The following GNB1 variants were observed in gnomAD, a reference collection of about 807,000 sequenced individuals.
GNB1 encodes the protein guanine nucleotide-binding protein G(I)/G(S)/G(T) subunit beta-1.
GNB1 carries 2 observed loss-of-function variants against 42.9 expected under a neutral mutation model. The observed-to-expected ratio is 0.05, with a 90% CI of 0.02 to 0.15. The LOEUF (loss-of-function observed/expected upper bound fraction) is 0.15, where lower values mean the gene tolerates loss of function less well. Ranked by LOEUF, GNB1 falls within the 10% of genes least tolerant of loss-of-function variation. The pLI is 1.00. For missense variants in GNB1, 193 were observed against 462.2 expected (o/e 0.42, Z 5.34); for synonymous variants, 183 against 174.7 (o/e 1.05, Z -0.38).
intron 4 of GNB1, among the ~76,000 whole-genome samples, chr1:1,816,849 TGTTGG>T: frequency 6.6e-6 from 1 of 152,182 alleles, no homozygotes; most frequent in East Asian, 1.9e-4. Flanking sequence ...GGTTTCACCA[TGTTGG>T]TTAGGCTGGT....
At chr1:1,827,036 T>C (rs1241361195) in intron 2 of GNB1, among the ~76,000 whole-genome samples, 1 of 152,194 alleles carries the variant, frequency 6.6e-6, no homozygotes, top group African/African-American at 2.4e-5. Flanking sequence ...ACACAGAGGA[T>C]CAATTTTACC....
intron 1 of GNB1, among the ~76,000 whole-genome samples, chr1:1,850,608 T>C (rs1647928899): frequency 1.3e-5 from 2 of 152,008 alleles, no homozygotes; most frequent in Non-Finnish European, 2.9e-5. Flanking sequence ...TTTTCTAGAG[T>C]TTCTGCCTCC....
At chr1:1,801,556 G>T (rs1029552779) in intron 7 of GNB1, among the ~76,000 whole-genome samples, 6 of 152,128 alleles carry the variant, frequency 3.9e-5, no homozygotes, top group Admixed American at 3.3e-4. Context: ...GAGACATTGG[G>T]AATGTACACT....
At chr1:1,889,249 A>G (rs183180609) in intron 1 of GNB1, among the ~76,000 whole-genome samples, 125 of 151,572 alleles carry the variant, frequency 8.2e-4, no homozygotes, top group Non-Finnish European at 3.7e-4. Flanking sequence ...AATAATCTTC[A>G]TATTTTCTTA....
intron 1 of GNB1, among the ~76,000 whole-genome samples, chr1:1,882,288 C>G (rs964267028): frequency 6.6e-6 from 1 of 151,968 alleles, no homozygotes; most frequent in African/African-American, 2.4e-5. Flanking sequence ...ATTAGCTAGG[C>G]GTGGCGGCAT....
chr1:1,874,959 GATC>G (rs1649459941), intron 1 of GNB1, among the ~76,000 whole-genome samples: 1 of 152,150 alleles, frequency 6.6e-6, no homozygotes, highest in African/African-American at 2.4e-5. Flanking sequence ...TTCCACCTCA[GATC>G]ATCAGGCATT....
intron 5 of GNB1, among the ~76,000 whole-genome samples, chr1:1,813,962 T>TA (rs1160934872): frequency 6.6e-6 from 1 of 152,218 alleles, no homozygotes; most frequent in African/African-American, 2.4e-5. Flanking sequence ...TAAGTCTACT[T>TA]TACTAACAAT....
intron 1 of GNB1, among the ~76,000 whole-genome samples, chr1:1,878,091 T>C (rs1649646126): frequency 6.6e-6 from 1 of 152,304 alleles, no homozygotes; most frequent in South Asian, 2.1e-4. Context: ...CTAATCTCCC[T>C]GTAGATCCAG....
chr1:1,884,067 G>T (rs951503154), intron 1 of GNB1, among the ~76,000 whole-genome samples: 2 of 150,594 alleles, frequency 1.3e-5, no homozygotes, highest in East Asian at 2.0e-4. Context: ...CCAGGTTCAA[G>T]CGATTCTCTT....
chr1:1,880,559 C>A (rs1277933198), intron 1 of GNB1, among the ~76,000 whole-genome samples: 2 of 151,742 alleles, frequency 1.3e-5, no homozygotes, highest in African/African-American at 2.4e-5. Context: ...GCACTCCAGC[C>A]TGGGCGACAG....
chr1:1,807,415 G>C (rs982127916), intron 5 of GNB1, among the ~76,000 whole-genome samples: 4 of 118,934 alleles, frequency 3.4e-5, no homozygotes, highest in African/African-American at 9.7e-5. Context: ...AGTGAGCCAA[G>C]ATTGCGCCAC....
At chr1:1,817,677 C>A in intron 4 of GNB1, 160 bp downstream of exon 4, 1 of 555,216 alleles carries the variant, frequency 1.8e-6, no homozygotes, top group East Asian at 2.9e-5. Flanking sequence ...CCTCTATTTC[C>A]TATGCCTACC....
At chr1:1,842,228 A>G (rs971187469) in intron 1 of GNB1, among the ~76,000 whole-genome samples, 11 of 152,230 alleles carry the variant, frequency 7.2e-5, no homozygotes, top group Admixed American at 2.0e-4. Context: ...CAGCAGATTG[A>G]GACCATCCTG....
intron 1 of GNB1, among the ~76,000 whole-genome samples, chr1:1,883,072 C>A (rs773969687): frequency 4.6e-5 from 7 of 151,840 alleles, no homozygotes; most frequent in Admixed American, 2.6e-4. Flanking sequence ...AGGAGGATCA[C>A]TTGAACCCAG....
chr1:1,861,110 C>CAAAAA (rs34626560), intron 1 of GNB1, among the ~76,000 whole-genome samples: 2 of 107,022 alleles, frequency 1.9e-5, no homozygotes, highest in African/African-American at 4.4e-5. Flanking sequence ...CTCTGTCTCA[C>CAAAAA]AAAAAAAAAA....
intron 7 of GNB1, among the ~76,000 whole-genome samples, chr1:1,801,245 C>T (rs1318597513): frequency 6.6e-6 from 1 of 152,206 alleles, no homozygotes; most frequent in Non-Finnish European, 1.5e-5. Flanking sequence ...CTAGGCTGAT[C>T]TCAAACTCCT....
intron 1 of GNB1, among the ~76,000 whole-genome samples, chr1:1,878,046 C>CA (rs1649643966): frequency 2.0e-5 from 3 of 152,180 alleles, no homozygotes; most frequent in African/African-American, 2.4e-5. Context: ...AGCAATGACC[C>CA]AAGAACTAAG....
chr1:1,825,738 G>A (rs1188978711), intron 2 of GNB1, among the ~76,000 whole-genome samples: 4 of 152,020 alleles, frequency 2.6e-5, no homozygotes, highest in African/African-American at 7.2e-5. Flanking sequence ...GGTGGCAGGC[G>A]CCTGTAGTCC....
At chr1:1,853,661 T>A (rs1348333735) in intron 1 of GNB1, among the ~76,000 whole-genome samples, 1 of 152,158 alleles carries the variant, frequency 6.6e-6, no homozygotes, top group African/African-American at 2.4e-5. Context: ...TTCTAAATCA[T>A]CTGTGATTTA....
Sources: allele counts gnomAD v4.1 joint callset (sites outside exome capture counted in the v4.1 genomes callset), GRCh38; gene constraint gnomAD v4.1.1; transcripts MANE v1.5; gene names NCBI Gene and HGNC (gene_info 2026-07-23, HGNC 2026-07-21).